The following SLF1 variants were observed in gnomAD, a reference collection of about 807,000 sequenced individuals.
The protein encoded by SLF1 is SMC5/6 complex localization factor 1.
Under a neutral mutation model 123.0 loss-of-function variants are expected in SLF1, and 105 were observed. The ratio of observed to expected loss-of-function variants is 0.85; its 90% CI spans 0.73 to 1.00. SLF1 has a LOEUF of 1.00. Among genes scored for constraint, SLF1 ranks in the 50% least tolerant of loss-of-function variants. SLF1 has a pLI of 0.00. For synonymous variants in SLF1, 434 were observed against 406.6 expected (o/e 1.07, Z -0.81); for missense variants, 1,239 against 1,223.0 (o/e 1.01, Z -0.20).
In SLF1 at chr5:94,695,636, A is replaced by T. The variant is rs1167878031; in HGVS notation, c.*324A>T. On this transcript the variant is annotated 3_prime_UTR_variant, in exon 21 of 21. Transcript: ENST00000265140. ...AATTTAAATATTTTTTCAAATAAAA[A>T]TGTAATGTCCTGTATTCTAGATGTT... 6.3e-6 allele frequency: 1 copy of T among 158,650 alleles called. No individual in the cohort carries two copies. The highest frequency in any genetic ancestry group is 1.4e-5 in the Non-Finnish European group (1 of 72,544). 9.8% of individuals were successfully genotyped at this position (158,650 alleles called of 1,614,324 possible).
intron 2 of SLF1, 39 bp from the exon 3 acceptor site, chr5:94,629,049 TCTTA>T (rs750877428): frequency 1.1e-5 from 17 of 1,487,218 alleles, no homozygotes; most frequent in South Asian, 2.5e-5. Flanking sequence ...ATAAAGGGAG[TCTTA>T]CTTTAGTAAC....
intron 1 of SLF1, among the ~76,000 whole-genome samples, chr5:94,627,123 G>GT (rs1226966507): frequency 3.9e-5 from 6 of 152,030 alleles, no homozygotes; most frequent in Non-Finnish European, 8.8e-5. Flanking sequence ...CACCAGTTGC[G>GT]TGCTATTAGT....
intron 7 of SLF1, 74 bp downstream of exon 7, chr5:94,651,919 T>TA (rs1747769795): frequency 1.3e-6 from 1 of 749,568 alleles, no homozygotes; most frequent in Non-Finnish European, 1.8e-6. Context: ...CTTTAGCTTT[T>TA]AAAAAATATA....
At chr5:94,680,111 G>C (rs1047211079) in intron 15 of SLF1, among the ~76,000 whole-genome samples, 1 of 151,986 alleles carries the variant, frequency 6.6e-6, no homozygotes, top group African/African-American at 2.4e-5. Context: ...AGTGTATCTT[G>C]ATTTTATATA....
At chr5:94,659,441 G>T (rs1297985173) in intron 9 of SLF1, among the ~76,000 whole-genome samples, 1 of 152,070 alleles carries the variant, frequency 6.6e-6, no homozygotes, top group Non-Finnish European at 1.5e-5. Flanking sequence ...TGCTATCTGT[G>T]TATCTGGTGT....
At chr5:94,678,683 A>T (rs2152493493) in intron 14 of SLF1, 125 bp from the exon 15 acceptor site, 1 of 779,234 alleles carries the variant, frequency 1.3e-6, no homozygotes, top group African/African-American at 1.7e-5. Flanking sequence ...GAATACCTTT[A>T]ATCATTACAT....
chr5:94,684,931 G>A (rs1384014730), intron 15 of SLF1, among the ~76,000 whole-genome samples: 10 of 152,134 alleles, frequency 6.6e-5, no homozygotes, highest in Non-Finnish European at 1.5e-5. Context: ...TTATGTTTTG[G>A]GCTGGATAAT....
chr5:94,650,362 ATTT>A (rs10603196), intron 6 of SLF1, among the ~76,000 whole-genome samples: 26,847 of 129,058 alleles, frequency 0.21, 2,459 homozygotes, highest in East Asian at 0.36. Flanking sequence ...AATTTGGAAC[ATTT>A]TTTTTTTTTT....
chr5:94,641,958 C>T (rs1746499754), intron 4 of SLF1, among the ~76,000 whole-genome samples: 1 of 152,158 alleles, frequency 6.6e-6, no homozygotes, highest in South Asian at 2.1e-4. Context: ...TCCTGCTGCT[C>T]CTTCAGGGAA....
chr5:94,619,692 G>T lies in SLF1; in HGVS notation c.-1+927G>T, dbSNP rs182317742. On this transcript the variant is annotated intron_variant, in intron 1 of 20. Coordinates refer to ENST00000265140, the MANE Select transcript of SLF1 (RefSeq NM_032290.4). ...TGTGTGACAGACAATGCACCTTGTGGACTTTTTGGTTTATGTTATTCCGTT... is the reference window on the plus strand; with the variant it reads ...TGTGTGACAGACAATGCACCTTGTGTACTTTTTGGTTTATGTTATTCCGTT... Among the ~76,000 whole-genome samples the T allele has an allele frequency of 2.0e-5, 3 of 152,274 alleles. No individual in the cohort carries two copies. The East Asian group carries it at 5.8e-4, about 29-fold the overall frequency.
intron 11 of SLF1, among the ~76,000 whole-genome samples, chr5:94,664,719 T>C (rs567109224): frequency 2.6e-5 from 4 of 152,314 alleles, no homozygotes; most frequent in African/African-American, 9.6e-5. Context: ...AATCTCACTA[T>C]AATTGTGAAA....
At chr5:94,677,062 A>G (rs1320099709) in intron 14 of SLF1, among the ~76,000 whole-genome samples, 1 of 152,202 alleles carries the variant, frequency 6.6e-6, no homozygotes, top group Non-Finnish European at 1.5e-5. Context: ...TGAAATACAC[A>G]TAATTTATTC....
In SLF1 at chr5:94,670,265, A is replaced by G. The variant is rs768322639; in HGVS notation, c.1647A>G (p.Gln549=). ...TTAATTTAATTGAAAGTGAAGTACA[A>G]CATCTGAGTCAAAAGTAAGTTCTAA... ...FFFNLIESEV[Q]HLSQKLYDWS... Residue 549 remains glutamine, a synonymous_variant, in exon 13 of 21, where the codon CAA becomes CAG. Coordinates refer to ENST00000265140, the MANE Select transcript of SLF1 (RefSeq NM_032290.4). The G allele has an allele frequency of 6.7e-7, 1 of 1,490,508 alleles. No homozygotes were observed. The highest frequency in any genetic ancestry group is 8.9e-7 in the Non-Finnish European group (1 of 1,123,950). The allele number at this position is 1,490,508 out of a possible 1,614,324, so 92.3% of individuals were successfully genotyped here. A position where few individuals can be genotyped will look rare whatever the true frequency, so the allele number is the denominator to read the frequency against.
intron 20 of SLF1, among the ~76,000 whole-genome samples, chr5:94,693,565 C>T (rs989345789): frequency 6.6e-6 from 1 of 151,898 alleles, no homozygotes; most frequent in African/African-American, 2.4e-5. Context: ...CTTTGGCAGT[C>T]GTACAGACTT....
chr5:94,649,532 T>G lies in SLF1; in HGVS notation c.673T>G (p.Phe225Val). 1.3e-6 allele frequency: 2 copies of G among 1,541,840 alleles called. No individual in the cohort carries two copies. The highest frequency in any genetic ancestry group is 1.8e-6 in the Non-Finnish European group (2 of 1,140,002). ...EHSNEETNKD[F>V]RKDAGFLEMK... The stretch of plus-strand genomic sequence containing the variant: ...TAGCAATGAAGAAACAAACAAAGAT[T>G]TCAGGAAAGATGCAGGATTTCTTGA... Residue 225 changes from phenylalanine to valine, a missense_variant, in exon 6 of 21, where the codon TTC becomes GTC. Phe to Val is a conservative substitution (Grantham distance 50, BLOSUM62 -1). Transcript: ENST00000265140.
In SLF1 at chr5:94,684,753, A is replaced by G. The variant is rs1187839401; in HGVS notation, c.1976-1820A>G. On this transcript the variant is annotated intron_variant, in intron 15 of 20. Transcript: ENST00000265140. ...CTCTGTAGAGGCCATATTGGAAGGG[A>G]TTATCTAAATTCAGTGATAATATAT... Among the ~76,000 whole-genome samples, 5 of 149,628 alleles carry G rather than the reference A, an allele frequency of 3.3e-5. No individual in the cohort carries two copies. In the South Asian group the frequency reaches 1.1e-3, roughly 32 times the overall value.
chr5:94,662,481 G>T (rs1585176820), intron 10 of SLF1, 130 bp downstream of exon 10: 1 of 646,602 alleles, frequency 1.5e-6, no homozygotes, highest in Non-Finnish European at 2.3e-6. Context: ...CACAAATAAA[G>T]AAATATAGCT....
chr5:94,644,094 T>C (rs1170378616), intron 5 of SLF1, among the ~76,000 whole-genome samples: 1 of 152,146 alleles, frequency 6.6e-6, no homozygotes, highest in Non-Finnish European at 1.5e-5. Flanking sequence ...GTCTTACTGA[T>C]TTTATCTCAA....
At chr5:94,626,159 C>A (rs2029909) in intron 1 of SLF1, among the ~76,000 whole-genome samples, 151,517 of 151,518 alleles carry the variant, frequency 1, 75,758 homozygotes, top group Middle Eastern at 1. Flanking sequence ...AGGCTGAGGC[C>A]GGAGAATGGC....
Sources: allele counts gnomAD v4.1 joint callset (sites outside exome capture counted in the v4.1 genomes callset), GRCh38; gene constraint gnomAD v4.1.1; transcripts MANE v1.5; gene names NCBI Gene and HGNC (gene_info 2026-07-23, HGNC 2026-07-21).